Variants in RHOBTB2 observed in about 807,000 individuals in gnomAD.
RHOBTB2 encodes Rho related BTB domain containing 2.
In RHOBTB2, 39 loss-of-function variants were observed where a neutral mutation model predicts 66.5. That is an observed-to-expected ratio of 0.59 (90% confidence interval 0.45 to 0.77). The LOEUF is 0.77. RHOBTB2 is among the 30% of genes least tolerant of loss of function. RHOBTB2 has a pLI of 0.00. For synonymous variants in RHOBTB2, 390 were observed against 395.0 expected (o/e 0.99, Z 0.15); for missense variants, 755 against 999.1 (o/e 0.76, Z 3.29).
the RHOBTB2 span, among the ~76,000 whole-genome samples, chr8:22,963,871 C>G: frequency 6.6e-6 from 1 of 151,934 alleles, no homozygotes; most frequent in African/African-American, 2.4e-5. Flanking sequence ...AACCACCATC[C>G]CCCAGTTTCA....
At chr8:23,010,764 A>C in intron 7 of RHOBTB2, 76 bp downstream of exon 7, 27 of 1,492,180 alleles carry the variant, frequency 1.8e-5, no homozygotes, top group Non-Finnish European at 2.4e-5. Context: ...TTCTCCTCTC[A>C]CGTCTCTCCT....
In RHOBTB2 at chr8:23,007,290, G is replaced by A; in HGVS notation, c.1045G>A (p.Glu349Lys). The part of the protein sequence containing the change: ...LLRAASFDVC[E>K]SVDEAGGSGP... ...CCGAGCAGCCAGCTTTGACGTGTGC[G>A]AGAGCGTGGATGAGGCTGGGGGCTC... The change falls in exon 5 of 10, where the codon GAG (glutamate) becomes AAG (lysine). Residue 349 changes from glutamate to lysine, a missense_variant. Physicochemically the swap from Glu to Lys is moderately conservative, Grantham distance 56. This residue lies in a region of RHOBTB2 where 247 missense variants were observed against 238.9 expected (regional missense o/e 1.03). Transcript: ENST00000251822. 4 of 1,613,720 alleles carry A rather than the reference G, an allele frequency of 2.5e-6. No individual in the cohort carries two copies. Among genetic ancestry groups the A allele is most frequent in the Non-Finnish European group, 3.4e-6 (4 of 1,179,988 alleles).
chr8:22,968,409 G>T, the RHOBTB2 span, among the ~76,000 whole-genome samples: 1 of 152,044 alleles, frequency 6.6e-6, no homozygotes, highest in Non-Finnish European at 1.5e-5. Flanking sequence ...TATCTAGTTA[G>T]TTGAGAAGAT....
In RHOBTB2 at chr8:23,003,672, G is replaced by A. The variant is rs150353719; in HGVS notation, c.-10-753G>A. Among the ~76,000 whole-genome samples, 1,271 of 152,314 alleles carry A rather than the reference G, an allele frequency of 8.3e-3. 14 individuals carry two copies. The highest frequency in any genetic ancestry group is 0.021 in the South Asian group (103 of 4,824). ...CATAGGCCTGTGGTTCCCCTCACCCGCATCTGAAAGCTGGACCTGTAGCTG... is the reference window on the plus strand; with the variant it reads ...CATAGGCCTGTGGTTCCCCTCACCCACATCTGAAAGCTGGACCTGTAGCTG... On this transcript the variant is annotated intron_variant, in intron 1 of 9. Transcript: ENST00000251822.
rs1182651866 is a variant in RHOBTB2, at chr8:23,005,489, C to T, written c.296+14C>T. Reference sequence around the variant, plus strand: ...TGCTTATGGGAGGTAGGGAAGGCCTCTAGCCGCCTGCAGAGAACCAACAGG... The same window carrying T: ...TGCTTATGGGAGGTAGGGAAGGCCTTTAGCCGCCTGCAGAGAACCAACAGG... On this transcript the variant is annotated intron_variant, in intron 3 of 9. Coordinates refer to ENST00000251822, the MANE Select transcript of RHOBTB2 (RefSeq NM_015178.3). 3.8e-6 allele frequency: 6 copies of T among 1,563,972 alleles called. No individual in the cohort carries two copies. The highest frequency in any genetic ancestry group is 5.3e-6 in the Non-Finnish European group (6 of 1,134,388).
chr8:22,979,360 C>T, the RHOBTB2 span, among the ~76,000 whole-genome samples: 1 of 145,668 alleles, frequency 6.9e-6, no homozygotes, highest in East Asian at 1.9e-4. Flanking sequence ...AAAGAAAATT[C>T]TAAGAACAAT....
chr8:22,998,104 G>C (rs183038496), upstream of RHOBTB2, among the ~76,000 whole-genome samples: 7 of 152,260 alleles, frequency 4.6e-5, no homozygotes, highest in African/African-American at 1.7e-4. Flanking sequence ...TCCAACAACC[G>C]AGCACTTCCT....
At chr8:23,016,813 T>C (rs2128808514) in intron 9 of RHOBTB2, among the ~76,000 whole-genome samples, 1 of 152,282 alleles carries the variant, frequency 6.6e-6, no homozygotes, top group Admixed American at 6.5e-5. Flanking sequence ...CCCTGCAGAA[T>C]AAGGCCAGCC....
At chr8:22,960,567 C>A in the RHOBTB2 span, among the ~76,000 whole-genome samples, 1 of 152,166 alleles carries the variant, frequency 6.6e-6, no homozygotes, top group Non-Finnish European at 1.5e-5. Flanking sequence ...GATCCACTCA[C>A]CTCAGCCTCC....
At chr8:22,995,228 C>T (rs930531781), upstream of RHOBTB2, among the ~76,000 whole-genome samples, 7 of 152,160 alleles carry the variant, frequency 4.6e-5, no homozygotes, top group African/African-American at 1.2e-4. Flanking sequence ...CCACCACACC[C>T]GGCCTGAACA....
upstream of RHOBTB2, among the ~76,000 whole-genome samples, chr8:22,984,098 C>G (rs1206445958): frequency 1.3e-5 from 2 of 151,996 alleles, no homozygotes; most frequent in Non-Finnish European, 2.9e-5. Flanking sequence ...TCAATGTGAC[C>G]AGCTTTTAGT....
the RHOBTB2 span, among the ~76,000 whole-genome samples, chr8:22,976,565 T>A: frequency 6.6e-6 from 1 of 152,228 alleles, no homozygotes; most frequent in African/African-American, 2.4e-5. Flanking sequence ...ATATTGGGAA[T>A]ACCGCCATTT....
In RHOBTB2 at chr8:23,010,576, C is replaced by T. The variant is rs779817867; in HGVS notation, c.1659C>T (p.Ala553=). Residue 553 remains alanine (A), a synonymous_variant, in exon 7 of 10, where the codon GCC becomes GCT. Coordinates refer to ENST00000251822, the MANE Select transcript of RHOBTB2 (RefSeq NM_015178.3). ...FPYTSKSCMR[A]VLEYLYTGMF... ...ACACAAGCAAGAGCTGCATGCGGGC[C>T]GTGCTGGAATACCTCTACACCGGCA... 53 of 1,614,094 alleles carry T rather than the reference C, an allele frequency of 3.3e-5. 1 individual carries two copies. Among genetic ancestry groups the T allele is most frequent in the Middle Eastern group, 3.3e-4 (2 of 6,062 alleles).
chr8:22,996,330 C>G (rs968540010), upstream of RHOBTB2, among the ~76,000 whole-genome samples: 50 of 152,050 alleles, frequency 3.3e-4, no homozygotes, highest in African/African-American at 1.1e-3. Context: ...TGCCAGGAAG[C>G]CCTTGGGCTA....
At chr8:22,986,244 G>C (rs572355259), upstream of RHOBTB2, among the ~76,000 whole-genome samples, 1 of 147,448 alleles carries the variant, frequency 6.8e-6, no homozygotes, top group Non-Finnish European at 1.5e-5. Context: ...CCAGGTCTTC[G>C]ATTCCCAGCC....
chr8:23,014,788 CAG>C lies in RHOBTB2; in HGVS notation c.1860+11_1860+12del. ...CCTGGAACTGGCTCAGGTATCATGG[CAG>C]GGGAGGGAATCTACAACAGTCTCAG... On this transcript the variant is annotated intron_variant, in intron 8 of 9. Transcript: ENST00000251822. 1 of 1,607,068 alleles carries C rather than the reference CAG, an allele frequency of 6.2e-7. No homozygotes were observed. Among genetic ancestry groups the C allele is most frequent in the African/African-American group, 1.3e-5 (1 of 74,888 alleles).
At position 23,010,686 on chromosome 8, in the gene RHOBTB2, C is replaced by T. The variant is rs747877641; in HGVS notation, c.1769C>T (p.Thr590Ile). The change falls in exon 7 of 10, where the codon ACA (threonine) becomes ATA (isoleucine). Residue 590 changes from threonine (T) to isoleucine (I), a missense_variant and splice_region_variant. Physicochemically the swap from Thr to Ile is moderately conservative, Grantham distance 89. Coordinates refer to ENST00000251822, the MANE Select transcript of RHOBTB2 (RefSeq NM_015178.3). Reference protein sequence around the residue: ...RLCLPHLVALTEQYTVTGLME... With the variant: ...RLCLPHLVALIEQYTVTGLME... ...TGCCTGCCACACCTGGTTGCCCTCA[C>T]AGGTAACTAAGCAGTGCACTCGGGG... is the stretch of plus-strand genomic sequence containing the variant. 2 of 1,614,110 alleles carry T rather than the reference C, an allele frequency of 1.2e-6. No individual in the cohort carries two copies. Among genetic ancestry groups the T allele is most frequent in the Admixed American group, 3.3e-5 (2 of 60,016 alleles).
chr8:23,009,657 G>A (rs1335898680), intron 6 of RHOBTB2, among the ~76,000 whole-genome samples: 1 of 152,190 alleles, frequency 6.6e-6, no homozygotes, highest in African/African-American at 2.4e-5. Flanking sequence ...AACCAAGCAC[G>A]AGGCTGGGCT....
intron 7 of RHOBTB2, among the ~76,000 whole-genome samples, chr8:23,011,423 C>T (rs1232695408): frequency 6.6e-6 from 1 of 152,046 alleles, no homozygotes; most frequent in Non-Finnish European, 1.5e-5. Context: ...TGCCTTTTTT[C>T]TTCTTCCCCT....
Sources: gnomAD v4.1 joint callset for allele counts (sites outside exome capture counted in the v4.1 genomes callset) on GRCh38, gnomAD v4.1.1 for gene constraint, gnomAD v4.1.1 regional missense constraint, MANE v1.5 for transcripts, NCBI Gene and HGNC (gene_info 2026-07-23, HGNC 2026-07-21) for gene names.